The following DRC11 variants were observed in gnomAD, a reference collection of about 807,000 sequenced individuals.
The protein encoded by DRC11 is dynein regulatory complex subunit 11.
chr2:236,431,414 C>G, the DRC11 span, among the ~76,000 whole-genome samples: 1 of 152,156 alleles, frequency 6.6e-6, no homozygotes, highest in Non-Finnish European at 1.5e-5. This position sits in a 1 kb window ranked among gnomAD's most constrained non-coding sequence, Gnocchi z 4.2. Context: ...GGAAAAGCCC[C>G]TTATAAAGTC....
the DRC11 span, among the ~76,000 whole-genome samples, chr2:236,326,663 C>T: frequency 6.6e-6 from 1 of 151,918 alleles, no homozygotes; most frequent in Non-Finnish European, 1.5e-5. Flanking sequence ...ATGTTCTGTG[C>T]ATTTCTAATG....
chr2:236,352,453 C>T, the DRC11 span, among the ~76,000 whole-genome samples: 1 of 152,092 alleles, frequency 6.6e-6, no homozygotes, highest in Non-Finnish European at 1.5e-5. The surrounding 1 kb of genome is among the most constrained non-coding windows in gnomAD (Gnocchi z 7.0). Flanking sequence ...CTTCCTTGCA[C>T]CACAGACACT....
the DRC11 span, among the ~76,000 whole-genome samples, chr2:236,491,818 A>G: frequency 1.3e-5 from 2 of 152,192 alleles, no homozygotes; most frequent in Non-Finnish European, 2.9e-5. Flanking sequence ...GCAGGGGCAC[A>G]GGAAGGAGAG....
the DRC11 span, among the ~76,000 whole-genome samples, chr2:236,315,955 C>T: frequency 6.6e-6 from 1 of 152,098 alleles, no homozygotes; most frequent in South Asian, 2.1e-4. This position sits in a 1 kb window ranked among gnomAD's most constrained non-coding sequence, Gnocchi z 5.1. Context: ...ACACATTTAC[C>T]TATGTAACAA....
At chr2:236,349,737 G>A in the DRC11 span, among the ~76,000 whole-genome samples, 1 of 152,176 alleles carries the variant, frequency 6.6e-6, no homozygotes. This position sits in a 1 kb window ranked among gnomAD's most constrained non-coding sequence, Gnocchi z 5.5. Flanking sequence ...GTGAAGGTTT[G>A]GAGGAGGAAA....
At chr2:236,408,057 C>T in the DRC11 span, 2 of 588,118 alleles carry the variant, frequency 3.4e-6, no homozygotes, top group Non-Finnish European at 6.6e-6. This position sits in a 1 kb window ranked among gnomAD's most constrained non-coding sequence, Gnocchi z 5.5. Flanking sequence ...TCTTGGTTCC[C>T]ACCACACATT....
chr2:236,355,336 G>A, the DRC11 span, among the ~76,000 whole-genome samples: 1 of 152,228 alleles, frequency 6.6e-6, no homozygotes, highest in Non-Finnish European at 1.5e-5. Flanking sequence ...CTATGTGGGC[G>A]CTCTCTGCAC....
At chr2:236,497,130 A>C in the DRC11 span, 1 of 1,507,906 alleles carries the variant, frequency 6.6e-7, no homozygotes, top group Non-Finnish European at 8.9e-7. This position sits in a 1 kb window ranked among gnomAD's most constrained non-coding sequence, Gnocchi z 5.1. Flanking sequence ...TAACAAAAAA[A>C]AGCAACTAAT....
chr2:236,353,214 C>T, the DRC11 span, among the ~76,000 whole-genome samples: 2 of 152,172 alleles, frequency 1.3e-5, no homozygotes, highest in African/African-American at 2.4e-5. This position sits in a 1 kb window ranked among gnomAD's most constrained non-coding sequence, Gnocchi z 5.0. Context: ...AGAGTTCTGT[C>T]GGGTAGTTCA....
At chr2:236,469,582 C>G in the DRC11 span, among the ~76,000 whole-genome samples, 1 of 152,322 alleles carries the variant, frequency 6.6e-6, no homozygotes, top group East Asian at 1.9e-4. The surrounding 1 kb of genome is among the most constrained non-coding windows in gnomAD (Gnocchi z 5.8). Context: ...TTACACCATG[C>G]TGTGCTGTTA....
the DRC11 span, among the ~76,000 whole-genome samples, chr2:236,342,258 C>T: frequency 6.6e-6 from 1 of 152,288 alleles, no homozygotes; most frequent in East Asian, 1.9e-4. The surrounding 1 kb of genome is among the most constrained non-coding windows in gnomAD (Gnocchi z 5.8). Flanking sequence ...GCCTCTGTGC[C>T]CTTGGGATCA....
the DRC11 span, chr2:236,412,606 C>T: frequency 6.6e-6 from 1 of 152,242 alleles, no homozygotes; most frequent in African/African-American, 2.4e-5. Context: ...CTCTGTTCCA[C>T]TCAAGATACC....
the DRC11 span, among the ~76,000 whole-genome samples, chr2:236,342,476 G>C: frequency 6.6e-6 from 1 of 152,304 alleles, no homozygotes; most frequent in Admixed American, 6.5e-5. This position sits in a 1 kb window ranked among gnomAD's most constrained non-coding sequence, Gnocchi z 5.8. Context: ...AGAGGATCTT[G>C]GGTGAGACAC....
chr2:236,343,369 T>G, the DRC11 span, among the ~76,000 whole-genome samples: 1 of 152,156 alleles, frequency 6.6e-6, no homozygotes, highest in Admixed American at 6.5e-5. This position sits in a 1 kb window ranked among gnomAD's most constrained non-coding sequence, Gnocchi z 6.6. Flanking sequence ...TGTGGGAGAA[T>G]GCAGGGGGCT....
chr2:236,461,761 C>T, the DRC11 span, among the ~76,000 whole-genome samples: 2 of 152,188 alleles, frequency 1.3e-5, no homozygotes, highest in Non-Finnish European at 2.9e-5. The surrounding 1 kb of genome is among the most constrained non-coding windows in gnomAD (Gnocchi z 4.0). Context: ...CACAGAGAAG[C>T]TAAATGACTT....
At chr2:236,424,108 G>C in the DRC11 span, among the ~76,000 whole-genome samples, 1 of 151,248 alleles carries the variant, frequency 6.6e-6, no homozygotes, top group Non-Finnish European at 1.5e-5. Flanking sequence ...GCTAGATGAC[G>C]AGTTAGTGGG....
At chr2:236,366,049 A>C in the DRC11 span, among the ~76,000 whole-genome samples, 1,064 of 152,246 alleles carry the variant, frequency 7.0e-3, 38 homozygotes, top group East Asian at 0.12. Flanking sequence ...TAAAAGCTGG[A>C]CCACGTCCAC....
chr2:236,459,567 A>G, the DRC11 span, among the ~76,000 whole-genome samples: 2 of 143,906 alleles, frequency 1.4e-5, no homozygotes, highest in East Asian at 4.0e-4. Flanking sequence ...ATACGTATAT[A>G]TGTGTATACA....
chr2:236,441,733 G>T, the DRC11 span, among the ~76,000 whole-genome samples: 63 of 152,236 alleles, frequency 4.1e-4, no homozygotes, highest in Non-Finnish European at 7.5e-4. Context: ...TATATTTATT[G>T]TACGTAAGAC....
Sources: allele counts gnomAD v4.1 joint callset (sites outside exome capture counted in the v4.1 genomes callset), GRCh38; gene constraint gnomAD v4.1.1; non-coding constraint Gnocchi (gnomAD v3.1); transcripts MANE v1.5; gene names NCBI Gene and HGNC (gene_info 2026-07-23, HGNC 2026-07-21).